MS4A14: variants seen among roughly 807,000 people sequenced by gnomAD.
MS4A14 encodes membrane-spanning 4-domains subfamily A member 14.
In MS4A14, 18 loss-of-function variants were observed where a neutral mutation model predicts 16.7. The ratio of observed to expected loss-of-function variants is 1.08; its 90% CI spans 0.75 to 1.60. The LOEUF is 1.60. MS4A14 is among the 40% of genes most tolerant of loss of function. The pLI is 0.00. For missense variants in MS4A14, 812 were observed against 775.3 expected, an observed-to-expected ratio of 1.05 and a Z score of -0.56; for synonymous variants, 305 against 289.4, an observed-to-expected ratio of 1.05 and a Z score of -0.55.
rs748361794 is a variant in MS4A14, at chr11:60,415,979, T to G, written c.1011T>G (p.Ser337=). The change falls in exon 5 of 5, where the codon TCT becomes TCG. Residue 337 remains serine (S), a synonymous_variant. Transcript: ENST00000300187. ...VEGLSEQTMP[S]KSTSSHVKQS... ...GCCTGTCAGAACAAACCATGCCATC[T>G]AAGTCTACATCATCCCATGTCAAAC... The G allele has an allele frequency of 3.1e-6, 5 of 1,613,824 alleles. No individual in the cohort carries two copies. In the African/African-American group the frequency reaches 6.7e-5, roughly 22 times the overall value.
At chr11:60,410,510 A>T (rs953798361) in intron 4 of MS4A14, among the ~76,000 whole-genome samples, 2 of 152,112 alleles carry the variant, frequency 1.3e-5, no homozygotes, top group African/African-American at 2.4e-5. Flanking sequence ...ACATCCATGA[A>T]ATTATTGCCA....
At chr11:60,403,952 G>A (rs557699878) in intron 4 of MS4A14, among the ~76,000 whole-genome samples, 1 of 152,218 alleles carries the variant, frequency 6.6e-6, no homozygotes, top group African/African-American at 2.4e-5. Context: ...ATGGTCCCAG[G>A]GACTCTCTCA....
chr11:60,406,784 G>C (rs534263004), intron 4 of MS4A14, among the ~76,000 whole-genome samples: 9 of 152,054 alleles, frequency 5.9e-5, no homozygotes, highest in African/African-American at 1.9e-4. Context: ...ATCCCGGAAG[G>C]TTCACTGGAA....
At chr11:60,404,518 C>T (rs1392462145) in intron 4 of MS4A14, 1 of 456,704 alleles carries the variant, frequency 2.2e-6, no homozygotes, top group African/African-American at 2.0e-5. Flanking sequence ...TAACACCTAT[C>T]CTACCTATCT....
At chr11:60,408,870 A>C (rs2085826572) in intron 4 of MS4A14, among the ~76,000 whole-genome samples, 1 of 152,194 alleles carries the variant, frequency 6.6e-6, no homozygotes, top group Non-Finnish European at 1.5e-5. Flanking sequence ...TGTTTTGAGA[A>C]AATGCCAAAT....
At chr11:60,404,718 A>G in intron 4 of MS4A14, 1 of 404,322 alleles carries the variant, frequency 2.5e-6, no homozygotes, top group Non-Finnish European at 4.9e-6. Flanking sequence ...CTGAAATACC[A>G]CTTCTTTAAG....
chr11:60,406,594 C>T (rs1243410558), intron 4 of MS4A14, among the ~76,000 whole-genome samples: 1 of 152,248 alleles, frequency 6.6e-6, no homozygotes, highest in African/African-American at 2.4e-5. Context: ...TGTGATATGT[C>T]TCCAGAGCCT....
chr11:60,415,476 G>C lies in MS4A14; in HGVS notation c.508G>C (p.Glu170Gln). The change falls in exon 5 of 5, where the codon GAA becomes CAA. Residue 170 changes from glutamate (E) to glutamine (Q), a missense_variant. Transcript: ENST00000300187. ...GCCTTCGGATGTTACTCAAAATAGTGAACAACCTGCCCCAGAAGAAAATGA... is the reference window on the plus strand; with the variant it reads ...GCCTTCGGATGTTACTCAAAATAGTCAACAACCTGCCCCAGAAGAAAATGA... ...FLPSDVTQNS[E>Q]QPAPEENDQL... 1 of 1,612,766 alleles carries C rather than the reference G, an allele frequency of 6.2e-7. No individual in the cohort carries two copies. Among genetic ancestry groups the C allele is most frequent in the South Asian group, 1.1e-5 (1 of 90,786 alleles).
At chr11:60,400,001 A>G (rs7931275) in intron 2 of MS4A14, among the ~76,000 whole-genome samples, 4,146 of 152,218 alleles carry the variant, frequency 0.027, 101 homozygotes, top group Middle Eastern at 0.085. Flanking sequence ...ACTACACTAG[A>G]TATCAGTCCC....
chr11:60,396,965 A>T (rs947930733), intron 1 of MS4A14, among the ~76,000 whole-genome samples: 1 of 152,158 alleles, frequency 6.6e-6, no homozygotes, highest in Non-Finnish European at 1.5e-5. Context: ...ACCTCCCTTG[A>T]AGCTAAGAAA....
rs964057348 is a variant in MS4A14 at position 60,405,936 on chromosome 11, C to T, written c.468+2875C>T. 5 of 1,534,472 alleles carry T rather than the reference C, an allele frequency of 3.3e-6. No homozygotes were observed. The African/African-American group carries it at 6.9e-5, about 21-fold the overall frequency. The stretch of plus-strand genomic sequence containing the variant: ...TCATCAGCATAGCAGAGCTCAGCAT[C>T]TCTGTGACTATTGCATCCTTTAGAA... On this transcript the variant is annotated intron_variant, in intron 4 of 4. Coordinates refer to ENST00000300187, the MANE Select transcript of MS4A14 (RefSeq NM_032597.5).
chr11:60,404,798 C>A, intron 4 of MS4A14: 1 of 289,810 alleles, frequency 3.5e-6, no homozygotes, highest in Non-Finnish European at 6.9e-6. Flanking sequence ...CGCATAGCTC[C>A]CAATCCTTCT....
At chr11:60,412,377 T>G (rs1046627132) in intron 4 of MS4A14, among the ~76,000 whole-genome samples, 2 of 151,870 alleles carry the variant, frequency 1.3e-5, no homozygotes, top group Non-Finnish European at 2.9e-5. Context: ...TTTCCTTTGT[T>G]AGGAACTTTT....
intron 4 of MS4A14, chr11:60,405,829 A>C: frequency 7.9e-7 from 1 of 1,266,462 alleles, no homozygotes; most frequent in South Asian, 1.3e-5. Flanking sequence ...TTCTCAGCTT[A>C]TATATTTAAA....
Position 60,417,107 on chromosome 11 carries a change from C to G in MS4A14, c.*99C>G. Reference sequence around the variant, plus strand: ...TCTATTAGAGAAAGAAGCCCTAAAGCAGAAAGCTCTATACCAAGAAGTCCA... The same window carrying G: ...TCTATTAGAGAAAGAAGCCCTAAAGGAGAAAGCTCTATACCAAGAAGTCCA... On this transcript the variant is annotated 3_prime_UTR_variant, in exon 5 of 5. Coordinates refer to ENST00000300187, the MANE Select transcript of MS4A14 (RefSeq NM_032597.5). The G allele has an allele frequency of 6.9e-7, 1 of 1,441,082 alleles. No individual in the cohort carries two copies. 89.3% of individuals were successfully genotyped at this position (1,441,082 alleles called of 1,614,324 possible).
chr11:60,403,487 GT>G (rs2135130988), intron 4 of MS4A14, among the ~76,000 whole-genome samples: 1 of 152,200 alleles, frequency 6.6e-6, no homozygotes, highest in South Asian at 2.1e-4. Context: ...TGATCTAAAA[GT>G]TTGCTCAATA....
chr11:60,416,480 C>G lies in MS4A14; in HGVS notation c.1512C>G (p.Asp504Glu), dbSNP rs142892172. The G allele has an allele frequency of 6.2e-7, 1 of 1,613,900 alleles. No individual in the cohort carries two copies. Among genetic ancestry groups the G allele is most frequent in the South Asian group, 1.1e-5 (1 of 91,078 alleles). Residue 504 changes from aspartate to glutamate, a missense_variant, in exon 5 of 5, where the codon GAC becomes GAG. Coordinates refer to ENST00000300187, the MANE Select transcript of MS4A14 (RefSeq NM_032597.5). ...ALQYLRRHSL[D>E]VQAKGQKSSK... is the part of the protein sequence containing the mutation. ...AATACTTAAGGAGACATTCTTTAGA[C>G]GTGCAAGCCAAAGGCCAGAAATCCT...
chr11:60,405,985 G>A, intron 4 of MS4A14: 1 of 1,513,494 alleles, frequency 6.6e-7, no homozygotes, highest in Non-Finnish European at 8.8e-7. Context: ...ACAGTCAGAT[G>A]AGGTGTGTTC....
chr11:60,406,553 C>T (rs2085788751), intron 4 of MS4A14, among the ~76,000 whole-genome samples: 1 of 152,174 alleles, frequency 6.6e-6, no homozygotes, highest in Admixed American at 6.5e-5. Flanking sequence ...CTAACCTCTC[C>T]AGTACCACAT....
Sources: gnomAD v4.1 joint callset for allele counts (sites outside exome capture counted in the v4.1 genomes callset) on GRCh38, gnomAD v4.1.1 for gene constraint, MANE v1.5 for transcripts, NCBI Gene and HGNC (gene_info 2026-07-23, HGNC 2026-07-21) for gene names.